CHL1: variants seen among roughly 807,000 people sequenced by gnomAD.
The protein encoded by CHL1 is neural cell adhesion molecule L1-like protein.
In CHL1, 96 loss-of-function variants were observed where a neutral mutation model predicts 141.9. That is an observed-to-expected ratio of 0.68 (90% CI 0.57 to 0.80). CHL1 has a LOEUF of 0.80. CHL1 is among the 30% of genes least tolerant of loss of function. The pLI, the probability that CHL1 is intolerant of heterozygous loss-of-function variation, is 0.00. For synonymous variants in CHL1, 613 were observed against 502.2 expected, an observed-to-expected ratio of 1.22 and a Z score of -2.95; for missense variants, 1,820 against 1,457.2, an observed-to-expected ratio of 1.25 and a Z score of -4.05.
chr3:292,085 G>A (rs190986546), intron 2 of CHL1, among the ~76,000 whole-genome samples: 20 of 152,292 alleles, frequency 1.3e-4, no homozygotes, highest in African/African-American at 4.8e-4. Flanking sequence ...TTTGTGTCTT[G>A]TTCTTTGCTG....
chr3:245,050 A>T (rs1351612251), intron 2 of CHL1, among the ~76,000 whole-genome samples: 1 of 152,186 alleles, frequency 6.6e-6, no homozygotes, highest in Non-Finnish European at 1.5e-5. Flanking sequence ...GAGAAGGTTG[A>T]CTTCTAAGGA....
intron 11 of CHL1, among the ~76,000 whole-genome samples, chr3:357,385 G>A (rs565139782): frequency 7.2e-5 from 11 of 152,040 alleles, no homozygotes; most frequent in Middle Eastern, 3.2e-3. Flanking sequence ...ATTGATTATC[G>A]GACTAACCCT....
In CHL1 at chr3:390,936, A is replaced by T. The variant is rs1480345363; in HGVS notation, c.2587-19A>T. The T allele has an allele frequency of 6.2e-7, 1 of 1,606,390 alleles. No homozygotes were observed. Among genetic ancestry groups the T allele is most frequent in the Non-Finnish European group, 8.5e-7 (1 of 1,173,404 alleles). On this transcript the variant is annotated intron_variant, in intron 21 of 27. Transcript: ENST00000256509. ...GCGACCACAATGGATATACTAAAAG[A>T]TTTTGGTTTTCATTGCAGATAAATT...
At chr3:395,132 CTA>C (rs2106402027) in intron 24 of CHL1, among the ~76,000 whole-genome samples, 1 of 152,220 alleles carries the variant, frequency 6.6e-6, no homozygotes, top group East Asian at 1.9e-4. Flanking sequence ...AGGTCAGGAA[CTA>C]TAATTTTACT....
intron 2 of CHL1, among the ~76,000 whole-genome samples, chr3:264,065 C>T (rs1219922369): frequency 6.6e-6 from 1 of 152,022 alleles, no homozygotes; most frequent in Non-Finnish European, 1.5e-5. Flanking sequence ...TTTCTTTGTC[C>T]CTTGGGTACT....
At chr3:361,870 C>T in intron 13 of CHL1, 60 bp downstream of exon 13, 6 of 1,131,286 alleles carry the variant, frequency 5.3e-6, no homozygotes, top group Non-Finnish European at 6.7e-6. Flanking sequence ...GACCTTGTTT[C>T]TTCATCCGTC....
chr3:332,465 C>T lies in CHL1; in HGVS notation c.385+4111C>T, dbSNP rs147722656. On this transcript the variant is annotated intron_variant, in intron 5 of 27. Transcript: ENST00000256509. ...CTGACAAAAAGGTGATGACGATATT[C>T]CTATTTTGTAAAATGGGTAGTAAGT... 2.4e-3 allele frequency among the ~76,000 whole-genome samples: 364 copies of T among 152,212 alleles called. 1 individual carries two copies. Among genetic ancestry groups the T allele is most frequent in the African/African-American group, 5.8e-3 (241 of 41,544 alleles).
At chr3:386,878 TG>T (rs758632878) in intron 19 of CHL1, among the ~76,000 whole-genome samples, 2 of 152,208 alleles carry the variant, frequency 1.3e-5, no homozygotes, top group Non-Finnish European at 2.9e-5. Flanking sequence ...TGAAAATTGT[TG>T]AGAGACTAGG....
rs201275626 is a variant in CHL1, at chr3:212,204, TA to T, written c.-175+15149del. Reference sequence around the variant, plus strand: ...TGAGGTTTCTACAACGAGTTTGCATTAAAAAAAACTTGTTGGGGGTTCTGGA... The same window carrying T: ...TGAGGTTTCTACAACGAGTTTGCATTAAAAAAACTTGTTGGGGGTTCTGGA... On this transcript the variant is annotated intron_variant, in intron 1 of 27. Coordinates refer to ENST00000256509, the MANE Select transcript of CHL1 (RefSeq NM_006614.4). Among the ~76,000 whole-genome samples, 31 of 152,116 alleles carry T rather than the reference TA, an allele frequency of 2.0e-4. No homozygotes were observed. In the South Asian group the frequency reaches 6.0e-3, roughly 30 times the overall value.
intron 19 of CHL1, among the ~76,000 whole-genome samples, chr3:388,550 G>GAA (rs11319131): frequency 1.3e-3 from 180 of 138,634 alleles, no homozygotes; most frequent in African/African-American, 4.9e-3. Context: ...TCCGTCTCAA[G>GAA]AAAAAAAAAA....
intron 16 of CHL1, among the ~76,000 whole-genome samples, chr3:380,162 A>G (rs76099040): frequency 0.011 from 1,743 of 152,332 alleles, 13 homozygotes; most frequent in Non-Finnish European, 0.018. Flanking sequence ...AAGAGAAACC[A>G]AAGTCCTCTG....
chr3:198,593 G>A (rs1157794511), intron 1 of CHL1, among the ~76,000 whole-genome samples: 1 of 152,172 alleles, frequency 6.6e-6, no homozygotes, highest in African/African-American at 2.4e-5. Context: ...GTTGTTGCAA[G>A]ACTGGAATGA....
chr3:405,469 G>T (rs771358629), intron 27 of CHL1, 26 bp from the exon 28 acceptor site: 1 of 1,448,396 alleles, frequency 6.9e-7, no homozygotes, highest in Admixed American at 1.7e-5. Context: ...ATTTTGTTGA[G>T]CTATTTTTGT....
chr3:396,961 T>G (rs528926863), intron 24 of CHL1, among the ~76,000 whole-genome samples: 5 of 152,320 alleles, frequency 3.3e-5, no homozygotes, highest in African/African-American at 1.2e-4. Flanking sequence ...TCTTTCTTCT[T>G]GCTCTGCCTA....
chr3:402,467 T>C (rs1709220256), intron 27 of CHL1, among the ~76,000 whole-genome samples: 1 of 152,336 alleles, frequency 6.6e-6, no homozygotes, highest in African/African-American at 2.4e-5. Context: ...TTTGTTGTAA[T>C]GTCATCATTT....
intron 24 of CHL1, among the ~76,000 whole-genome samples, chr3:397,649 A>G (rs887792704): frequency 1.3e-5 from 2 of 152,096 alleles, no homozygotes; most frequent in East Asian, 3.8e-4. Flanking sequence ...ATATTTTTTG[A>G]AAAGTATTAA....
intron 2 of CHL1, among the ~76,000 whole-genome samples, chr3:282,287 G>A (rs898078359): frequency 6.6e-6 from 1 of 152,122 alleles, no homozygotes; most frequent in African/African-American, 2.4e-5. Flanking sequence ...CTCCTTGGCT[G>A]TTATTGTCAT....
chr3:324,994 A>T (rs1700895721), intron 3 of CHL1, among the ~76,000 whole-genome samples: 2 of 152,004 alleles, frequency 1.3e-5, no homozygotes, highest in South Asian at 4.1e-4. Flanking sequence ...GAATCTATTA[A>T]TGCCATTATG....
rs200696118 is a variant in CHL1 at position 238,963 on chromosome 3, C to A, written c.-174-5650C>A. Among the ~76,000 whole-genome samples, 3 of 149,008 alleles carry A rather than the reference C, an allele frequency of 2.0e-5. No homozygotes were observed. In the East Asian group the frequency reaches 6.0e-4, roughly 30 times the overall value. On this transcript the variant is annotated intron_variant, in intron 1 of 27. Coordinates refer to ENST00000256509, the MANE Select transcript of CHL1 (RefSeq NM_006614.4). ...AAACAAACAAAACAAAACAAAAAAT[C>A]TTTTTTTTTTGTCTTGTGAGAATAA...
Sources: allele counts gnomAD v4.1 joint callset (sites outside exome capture counted in the v4.1 genomes callset), GRCh38; gene constraint gnomAD v4.1.1; transcripts MANE v1.5; gene names NCBI Gene and HGNC (gene_info 2026-07-23, HGNC 2026-07-21).